FAM185A: variants seen among roughly 807,000 people sequenced by gnomAD.
FAM185A encodes the protein family with sequence similarity 185 member A, also known as protein FAM185A.
In FAM185A, 21 loss-of-function variants were observed where a neutral mutation model predicts 45.7. The observed-to-expected ratio is 0.46, with a 90% CI of 0.33 to 0.66. The LOEUF (loss-of-function observed/expected upper bound fraction) is 0.66. FAM185A is among the 30% of genes least tolerant of loss of function. The pLI is 0.03. For synonymous variants in FAM185A, 117 were observed against 194.0 expected, an observed-to-expected ratio of 0.60 and a Z score of 3.30; for missense variants, 305 against 485.4, an observed-to-expected ratio of 0.63 and a Z score of 3.49.
chr7:102,829,146 G>A, the FAM185A span, among the ~76,000 whole-genome samples: 1 of 152,220 alleles, frequency 6.6e-6, no homozygotes, highest in Non-Finnish European at 1.5e-5. Flanking sequence ...ACCCTCAGCT[G>A]CGGTGCAAGT....
At chr7:102,754,715 C>T (rs1263333597) in intron 2 of FAM185A, among the ~76,000 whole-genome samples, 1 of 152,218 alleles carries the variant, frequency 6.6e-6, no homozygotes, top group Admixed American at 6.5e-5. Flanking sequence ...GCTTTTTCCA[C>T]CTTTATTTAT....
At chr7:102,784,843 C>T (rs912477678) in intron 6 of FAM185A, among the ~76,000 whole-genome samples, 4 of 152,118 alleles carry the variant, frequency 2.6e-5, no homozygotes, top group African/African-American at 9.7e-5. Context: ...GGCAATCAGG[C>T]AGGAGAAAGA....
chr7:102,813,628 C>T, downstream of FAM185A: 2 of 1,250,066 alleles, frequency 1.6e-6, no homozygotes, highest in Non-Finnish European at 2.3e-6. Context: ...AATTCACTGT[C>T]ACAATCTGAA....
At chr7:102,844,019 A>C in the FAM185A span, among the ~76,000 whole-genome samples, 9 of 152,142 alleles carry the variant, frequency 5.9e-5, no homozygotes, top group Admixed American at 2.0e-4. Flanking sequence ...AGATATTAGT[A>C]AACCAGCTTG....
the FAM185A span, among the ~76,000 whole-genome samples, chr7:102,831,223 CTA>C: frequency 6.6e-6 from 1 of 152,152 alleles, no homozygotes; most frequent in Admixed American, 6.5e-5. Flanking sequence ...CTTAGTTAGC[CTA>C]GCAACCCTCT....
chr7:102,827,082 T>G, the FAM185A span: 1 of 442,534 alleles, frequency 2.3e-6, no homozygotes, highest in Admixed American at 2.4e-5. Flanking sequence ...GTGACTTGCT[T>G]TGACCAAAGG....
At chr7:102,832,687 T>C in the FAM185A span, among the ~76,000 whole-genome samples, 1 of 152,272 alleles carries the variant, frequency 6.6e-6, no homozygotes, top group East Asian at 1.9e-4. Context: ...AATCATAAGC[T>C]ATTTCCAATT....
chr7:102,777,380 A>G, intron 6 of FAM185A, 32 bp downstream of exon 6: 5 of 1,402,964 alleles, frequency 3.6e-6, no homozygotes, highest in East Asian at 2.5e-5. Flanking sequence ...ATTTTGACAT[A>G]TGATGTAAGG....
chr7:102,841,395 T>C, the FAM185A span, among the ~76,000 whole-genome samples: 69,690 of 151,996 alleles, frequency 0.46, 17,887 homozygotes, highest in African/African-American at 0.7. Context: ...GGATGCTCAA[T>C]ATGAAAAGAA....
chr7:102,837,529 G>A, the FAM185A span, among the ~76,000 whole-genome samples: 3 of 152,322 alleles, frequency 2.0e-5, no homozygotes, highest in Admixed American at 2.0e-4. Flanking sequence ...ATTCTTCTCT[G>A]TGGAAGAGAT....
the FAM185A span, among the ~76,000 whole-genome samples, chr7:102,837,556 A>G: frequency 6.6e-6 from 1 of 152,168 alleles, no homozygotes; most frequent in African/African-American, 2.4e-5. Context: ...TCAAATTCTT[A>G]TAAGCTTTTC....
chr7:102,814,541 A>T, the FAM185A span: 2 of 152,370 alleles, frequency 1.3e-5, no homozygotes, highest in South Asian at 2.1e-4. Context: ...AAATAATTGT[A>T]ACCAAACTTA....
At chr7:102,846,977 G>GA in the FAM185A span, among the ~76,000 whole-genome samples, 3 of 151,372 alleles carry the variant, frequency 2.0e-5, no homozygotes, top group Non-Finnish European at 4.4e-5. Context: ...TTGAATGGTT[G>GA]AAAAAAAAGC....
the FAM185A span, among the ~76,000 whole-genome samples, chr7:102,825,578 A>G: frequency 6.6e-6 from 1 of 152,238 alleles, no homozygotes; most frequent in South Asian, 2.1e-4. Context: ...GGACTAAGAC[A>G]GGGTATGACC....
intron 7 of FAM185A, among the ~76,000 whole-genome samples, chr7:102,799,838 C>T (rs981692961): frequency 3.3e-5 from 5 of 152,082 alleles, no homozygotes; most frequent in African/African-American, 1.2e-4. Context: ...GTGGAGAGAG[C>T]CCAGTGGCCG....
rs189523430 is a variant in FAM185A at position 102,782,624 on chromosome 7, C to T, written c.932-4711C>T. 5.2e-3 allele frequency among the ~76,000 whole-genome samples: 787 copies of T among 152,190 alleles called. 21 individuals are homozygous for T. The highest frequency in any genetic ancestry group is 0.05 in the East Asian group (257 of 5,182). On this transcript the variant is annotated intron_variant, in intron 6 of 7. Transcript: ENST00000413034. Reference sequence around the variant, plus strand: ...CTGAGAGATTTTGTCACCAACAGGCCGCCCCTAAAACAGCTCCTGAAGGAA... The same window carrying T: ...CTGAGAGATTTTGTCACCAACAGGCTGCCCCTAAAACAGCTCCTGAAGGAA...
intron 2 of FAM185A, among the ~76,000 whole-genome samples, chr7:102,753,871 C>T (rs1218915280): frequency 6.6e-6 from 1 of 152,052 alleles, no homozygotes; most frequent in Non-Finnish European, 1.5e-5. Flanking sequence ...AAAGTAAGTA[C>T]ATTTTCTATT....
Position 102,793,208 on chromosome 7 carries a change from T to TTG in FAM185A, c.1066+5740_1066+5741insGT, listed in dbSNP as rs1554381588. ...CATAGTGCTTTTATGGTGTTTTTTT[T>TTG]TTGTTGTTGTTGTTGTTTTTTGAGA... is the stretch of plus-strand genomic sequence containing the variant. On this transcript the variant is annotated intron_variant, in intron 7 of 7. Transcript: ENST00000413034. Among the ~76,000 whole-genome samples the TTG allele has an allele frequency of 6.5e-3, 988 of 151,650 alleles. 6 individuals are homozygous for TTG. The highest frequency in any genetic ancestry group is 0.022 in the African/African-American group (917 of 41,096).
At chr7:102,762,460 A>C (rs1299068595) in intron 4 of FAM185A, among the ~76,000 whole-genome samples, 2 of 152,162 alleles carry the variant, frequency 1.3e-5, no homozygotes, top group African/African-American at 4.8e-5. Context: ...AACATCTGCT[A>C]AATGCCTTTT....
Sources: gnomAD v4.1 joint callset for allele counts (sites outside exome capture counted in the v4.1 genomes callset) on GRCh38, gnomAD v4.1.1 for gene constraint, MANE v1.5 for transcripts, NCBI Gene and HGNC (gene_info 2026-07-23, HGNC 2026-07-21) for gene names.